ZNF195: variants seen among roughly 807,000 people sequenced by gnomAD.
The protein encoded by ZNF195 is hypoxia-regulated factor-1.
ZNF195 carries 11 observed loss-of-function variants against 19.5 expected under a neutral mutation model. The ratio of observed to expected loss-of-function variants is 0.57; its 90% CI spans 0.36 to 0.94. The LOEUF is 0.94. ZNF195 is among the 40% of genes least tolerant of loss of function. The pLI is 0.01. For missense variants in ZNF195, 582 were observed against 709.0 expected (o/e 0.82, Z 2.03); for synonymous variants, 214 against 248.1 (o/e 0.86, Z 1.29).
Position 3,371,451 on chromosome 11 carries a change from T to C in ZNF195, c.130+126A>G, listed in dbSNP as rs560599501. ...TTTTTTACATCAACTATTCCCCATG[T>C]TTTTCTTAAAAGCAGGGATCTGAAA... On this transcript the variant is annotated intron_variant, in intron 2 of 5. Transcript: ENST00000399602. 51 of 1,290,706 alleles carry C rather than the reference T, an allele frequency of 4.0e-5. No homozygotes were observed. The African/African-American group carries it at 5.1e-4, about 13-fold the overall frequency. The allele number at this position is 1,290,706 out of a possible 1,614,324, so 80.0% of individuals were successfully genotyped here.
chr11:3,361,466 A>C (rs1355800889), intron 4 of ZNF195, among the ~76,000 whole-genome samples: 1 of 152,224 alleles, frequency 6.6e-6, no homozygotes, highest in Admixed American at 6.5e-5. Flanking sequence ...AAAATGGCAA[A>C]ACAGCAAACT....
At chr11:3,361,387 T>C (rs1848626887) in intron 4 of ZNF195, among the ~76,000 whole-genome samples, 1 of 152,120 alleles carries the variant, frequency 6.6e-6, no homozygotes, top group African/African-American at 2.4e-5. Flanking sequence ...AAATCAACCC[T>C]AAAATGATGG....
intron 2 of ZNF195, 111 bp downstream of exon 2, chr11:3,371,466 G>T: frequency 7.2e-7 from 1 of 1,379,816 alleles, no homozygotes; most frequent in East Asian, 2.4e-5. Flanking sequence ...CTTAAAAGCA[G>T]GGATCTGAAA....
chr11:3,377,118 C>T (rs1849504667), intron 1 of ZNF195, among the ~76,000 whole-genome samples: 1 of 152,156 alleles, frequency 6.6e-6, no homozygotes, highest in African/African-American at 2.4e-5. Flanking sequence ...CTGAAATTGA[C>T]CTATTTCATG....
chr11:3,370,142 A>G (rs1321606616), intron 3 of ZNF195, among the ~76,000 whole-genome samples: 3 of 152,214 alleles, frequency 2.0e-5, no homozygotes, highest in African/African-American at 7.2e-5. Context: ...ATGAAATCCT[A>G]TCATTTCAAA....
chr11:3,377,958 T>C (rs1371504532), intron 1 of ZNF195: 5 of 971,238 alleles, frequency 5.1e-6, no homozygotes, highest in Admixed American at 6.1e-5. Context: ...CGTCAGGGGA[T>C]GATTCTCTGC....
Position 3,375,228 on chromosome 11 carries a change from T to TA in ZNF195, c.4-3526dup, listed in dbSNP as rs1405304506. Among the ~76,000 whole-genome samples the TA allele has an allele frequency of 1.4e-4, 21 of 152,196 alleles. 1 individual carries two copies. Among genetic ancestry groups the TA allele is most frequent in the Admixed American group, 1.4e-3 (21 of 15,282 alleles). On this transcript the variant is annotated intron_variant, in intron 1 of 5. Transcript: ENST00000399602. ...CGCAGGATTCTGCTCTCTATGCTAC[T>TA]AGAGTATTTACAATTCTGTTTTTCC...
chr11:3,367,850 T>A (rs1319758146), intron 3 of ZNF195, among the ~76,000 whole-genome samples: 1 of 152,036 alleles, frequency 6.6e-6, no homozygotes, highest in East Asian at 1.9e-4. Flanking sequence ...GGCAGGCAGA[T>A]CACCTGAGGT....
Position 3,359,951 on chromosome 11 carries a change from G to A in ZNF195, c.1057C>T (p.Pro353Ser). The A allele has an allele frequency of 6.2e-7, 1 of 1,614,162 alleles. No homozygotes were observed. Residue 353 changes from proline to serine, a missense_variant, in exon 6 of 6, where the codon CCC (proline) becomes TCC (serine). Transcript: ENST00000399602. The surrounding 1 kb of genome is among the most constrained non-coding windows in gnomAD (Gnocchi z 5.5). ...TEHEHGTEEK[P>S]CKYEECSSVF... ...CTGCTGCACTCTTCATATTTGCAGG[G>A]TTTTTCCTCAGTACCATGCTCATGT...
At chr11:3,362,890 G>C (rs905338522) in intron 3 of ZNF195, 19 of 198,964 alleles carry the variant, frequency 9.5e-5, no homozygotes, top group African/African-American at 3.9e-4. Context: ...TGGCAAGATG[G>C]AAATAGACAT....
intron 3 of ZNF195, among the ~76,000 whole-genome samples, chr11:3,367,568 T>C (rs1350094660): frequency 6.6e-6 from 1 of 152,090 alleles, no homozygotes; most frequent in Non-Finnish European, 1.5e-5. Context: ...ATTTTTATTA[T>C]ATGTTTACTA....
In ZNF195 at chr11:3,370,980, T is replaced by C. The variant is rs1219275174; in HGVS notation, c.221A>G (p.His74Arg). The C allele has an allele frequency of 6.2e-7, 1 of 1,613,728 alleles. No individual in the cohort carries two copies. Among genetic ancestry groups the C allele is most frequent in the Non-Finnish European group, 8.5e-7 (1 of 1,179,768 alleles). The change falls in exon 3 of 6, where the codon CAT becomes CGT. Residue 74 changes from histidine (H) to arginine (R), a missense_variant. Physicochemically the swap from His to Arg is conservative, Grantham distance 29. Coordinates refer to ENST00000399602, the MANE Select transcript of ZNF195 (RefSeq NM_001130520.3). ...CTTCGTTCATTCCCACCCACCTGGATGTCCGTCTGCTGCCTCCTGTCTCTT... is the reference window on the plus strand; with the variant it reads ...CTTCGTTCATTCCCACCCACCTGGACGTCCGTCTGCTGCCTCCTGTCTCTT... Reference protein sequence around the residue: ...NVKRQEAADGHPEMGFHHATQ... With the variant: ...NVKRQEAADGRPEMGFHHATQ...
intron 1 of ZNF195, among the ~76,000 whole-genome samples, chr11:3,377,385 T>C (rs1336841067): frequency 6.6e-6 from 1 of 152,196 alleles, no homozygotes; most frequent in Non-Finnish European, 1.5e-5. Flanking sequence ...TGTGCCCCGC[T>C]GAGTGTCCCA....
chr11:3,359,178 C>G lies in ZNF195; in HGVS notation c.1830G>C (p.Lys610Asn). The change falls in exon 6 of 6, where the codon AAG (lysine) becomes AAC (asparagine). Residue 610 changes from lysine to asparagine, a missense_variant. By Grantham distance (94) the Lys-to-Asn change is moderately conservative (BLOSUM62 0). Around this residue, in one of 3 missense-constraint regions of ZNF195, gnomAD observed 407 missense variants for 530.5 expected, o/e 0.77. Transcript: ENST00000399602. This position sits in a 1 kb window ranked among gnomAD's most constrained non-coding sequence, Gnocchi z 5.5. ...HTGEKPYKCE[K>N]CGKAFTQFSH... ...AGAACTGGGTGAAGGCTTTGCCACACTTTTCACACTTGTAGGGTTTCTCTC... is the reference window on the plus strand; with the variant it reads ...AGAACTGGGTGAAGGCTTTGCCACAGTTTTCACACTTGTAGGGTTTCTCTC... The G allele has an allele frequency of 6.2e-7, 1 of 1,611,376 alleles. No homozygotes were observed. Among genetic ancestry groups the G allele is most frequent in the South Asian group, 1.1e-5 (1 of 90,480 alleles).
chr11:3,374,532 CG>C (rs1849362480), intron 1 of ZNF195, among the ~76,000 whole-genome samples: 1 of 152,218 alleles, frequency 6.6e-6, no homozygotes. Flanking sequence ...TGTGTACACA[CG>C]TATGAATGCA....
At chr11:3,376,162 C>T (rs192119199) in intron 1 of ZNF195, among the ~76,000 whole-genome samples, 21 of 152,248 alleles carry the variant, frequency 1.4e-4, no homozygotes, top group Non-Finnish European at 2.8e-4. Context: ...CCAGTGCTCC[C>T]GGGCTCTGCA....
chr11:3,360,276 G>C lies in ZNF195; in HGVS notation c.732C>G (p.Phe244Leu), dbSNP rs1564912821. The change falls in exon 6 of 6, where the codon TTC becomes TTG. Residue 244 changes from phenylalanine (F) to leucine (L), a missense_variant. By Grantham distance (22) the Phe-to-Leu change is conservative (BLOSUM62 0). Coordinates refer to ENST00000399602, the MANE Select transcript of ZNF195 (RefSeq NM_001130520.3). The part of the protein sequence containing the change: ...RNISNTGEKP[F>L]KCQECGKSFQ... ...AGGATTTGCCACATTCTTGACATTT[G>C]AAAGGTTTCTCTCCAGTATTACTTA... The C allele has an allele frequency of 3.7e-6, 6 of 1,612,782 alleles. No homozygotes were observed. Among genetic ancestry groups the C allele is most frequent in the Non-Finnish European group, 2.5e-6 (3 of 1,178,896 alleles).
Position 3,359,937 on chromosome 11 carries a change from T to C in ZNF195, c.1071A>G (p.Glu357=). 6.2e-7 allele frequency: 1 copy of C among 1,614,210 alleles called. No homozygotes were observed. Among genetic ancestry groups the C allele is most frequent in the Non-Finnish European group, 8.5e-7 (1 of 1,180,028 alleles). The part of the protein sequence containing the change: ...HGTEEKPCKY[E]ECSSVFISCS... Reference sequence around the variant, plus strand: ...AAGAGATAAAGACACTGCTGCACTCTTCATATTTGCAGGGTTTTTCCTCAG... The same window carrying C: ...AAGAGATAAAGACACTGCTGCACTCCTCATATTTGCAGGGTTTTTCCTCAG... The change falls in exon 6 of 6, where the codon GAA becomes GAG. Residue 357 remains glutamate, a synonymous_variant. Coordinates refer to ENST00000399602, the MANE Select transcript of ZNF195 (RefSeq NM_001130520.3). The surrounding 1 kb of genome is among the most constrained non-coding windows in gnomAD (Gnocchi z 5.5).
At chr11:3,375,406 T>C (rs1262425008) in intron 1 of ZNF195, 2 of 152,204 alleles carry the variant, frequency 1.3e-5, no homozygotes, top group Admixed American at 6.5e-5. Context: ...AGAAGCTAAA[T>C]ATTTATTTTT....
Sources: gnomAD v4.1 joint callset for allele counts (sites outside exome capture counted in the v4.1 genomes callset) on GRCh38, gnomAD v4.1.1 for gene constraint, gnomAD v4.1.1 regional missense constraint, Gnocchi (gnomAD v3.1) non-coding constraint, MANE v1.5 for transcripts, NCBI Gene and HGNC (gene_info 2026-07-23, HGNC 2026-07-21) for gene names.